The following TSPAN18 variants were observed in gnomAD, a reference collection of about 807,000 sequenced individuals.
The protein encoded by TSPAN18 is tetraspanin-18.
TSPAN18 carries 14 observed loss-of-function variants against 27.3 expected under a neutral mutation model. The observed-to-expected ratio is 0.51, with a 90% confidence interval of 0.34 to 0.80. TSPAN18 has a LOEUF of 0.80. Among genes scored for constraint, TSPAN18 ranks in the 30% least tolerant of loss-of-function variants. The pLI is 0.01. For missense variants in TSPAN18, 268 were observed against 323.9 expected, an observed-to-expected ratio of 0.83 and a Z score of 1.32; for synonymous variants, 143 against 136.5, an observed-to-expected ratio of 1.05 and a Z score of -0.33.
intron 3 of TSPAN18, among the ~76,000 whole-genome samples, chr11:44,862,754 A>G (rs1159659948): frequency 1.3e-5 from 2 of 152,198 alleles, no homozygotes; most frequent in Non-Finnish European, 2.9e-5. Context: ...CTGGCTTGGT[A>G]GATATGTCGG....
At chr11:44,904,863 T>A (rs1859398667) in intron 3 of TSPAN18, among the ~76,000 whole-genome samples, 1 of 152,164 alleles carries the variant, frequency 6.6e-6, no homozygotes, top group South Asian at 2.1e-4. Context: ...GCCATGGGCC[T>A]TGTCAGTGCT....
intron 2 of TSPAN18, among the ~76,000 whole-genome samples, chr11:44,842,359 T>A (rs1469652007): frequency 6.6e-6 from 1 of 152,222 alleles, no homozygotes; most frequent in Non-Finnish European, 1.5e-5. Flanking sequence ...TGCCTGAACG[T>A]GTTTGACCCC....
At chr11:44,812,115 C>G (rs1856730971) in intron 2 of TSPAN18, among the ~76,000 whole-genome samples, 1 of 152,216 alleles carries the variant, frequency 6.6e-6, no homozygotes, top group African/African-American at 2.4e-5. Context: ...GGCCTGCAAG[C>G]TGGGGGCATC....
At chr11:44,878,975 T>G (rs1858414900) in intron 3 of TSPAN18, among the ~76,000 whole-genome samples, 1 of 152,096 alleles carries the variant, frequency 6.6e-6, no homozygotes, top group African/African-American at 2.4e-5. Flanking sequence ...TAATAGCACC[T>G]CCCCAGGGCT....
intron 2 of TSPAN18, among the ~76,000 whole-genome samples, chr11:44,805,829 A>G (rs975956873): frequency 3.3e-5 from 5 of 151,930 alleles, no homozygotes; most frequent in African/African-American, 9.7e-5. Context: ...TTGTAGACGC[A>G]TCACTCTCAT....
intron 2 of TSPAN18, among the ~76,000 whole-genome samples, chr11:44,787,268 C>T (rs1329656264): frequency 6.6e-6 from 1 of 152,128 alleles, no homozygotes; most frequent in African/African-American, 2.4e-5. Flanking sequence ...TTTAGGATTC[C>T]CATTTTACAG....
At position 44,728,404 on chromosome 11, in the gene TSPAN18, T is replaced by C. The variant is rs943669113; in HGVS notation, c.-240+1117T>C. On this transcript the variant is annotated intron_variant, in intron 1 of 9. Transcript: ENST00000520358. ...GCAGAAACCCAAACCCCAAAATGCA[T>C]GCACCCTTTTTGTAAAAGTTGCACC... 2.6e-5 allele frequency among the ~76,000 whole-genome samples: 4 copies of C among 152,310 alleles called. 1 individual carries two copies. The Middle Eastern group carries it at 0.01, about 389-fold the overall frequency.
At chr11:44,749,711 A>G (rs533725448) in intron 1 of TSPAN18, among the ~76,000 whole-genome samples, 49 of 139,250 alleles carry the variant, frequency 3.5e-4, no homozygotes, top group Non-Finnish European at 5.8e-4. Flanking sequence ...ATCTCGGCTC[A>G]CTGCAAACTC....
intron 3 of TSPAN18, among the ~76,000 whole-genome samples, chr11:44,893,219 G>A (rs1204556624): frequency 6.6e-6 from 1 of 152,218 alleles, no homozygotes; most frequent in Non-Finnish European, 1.5e-5. Flanking sequence ...CTAGAGAGGG[G>A]TCCTTCCCAG....
intron 2 of TSPAN18, among the ~76,000 whole-genome samples, chr11:44,813,149 T>G (rs1301055119): frequency 6.6e-6 from 1 of 152,206 alleles, no homozygotes; most frequent in Non-Finnish European, 1.5e-5. Context: ...CTGGCGCTTC[T>G]GTCTCCTGCA....
At chr11:44,851,326 C>T (rs4755903) in intron 2 of TSPAN18, among the ~76,000 whole-genome samples, 42,600 of 152,108 alleles carry the variant, frequency 0.28, 6,204 homozygotes, top group African/African-American at 0.29. Flanking sequence ...GGGGCTAGCC[C>T]GGCATCCCCT....
chr11:44,860,705 G>A (rs1357579104), intron 3 of TSPAN18, among the ~76,000 whole-genome samples: 2 of 152,208 alleles, frequency 1.3e-5, no homozygotes, highest in African/African-American at 4.8e-5. Flanking sequence ...GATAACCCTC[G>A]GAGGGGCCAG....
At chr11:44,882,626 A>ACT (rs1226515633) in intron 3 of TSPAN18, among the ~76,000 whole-genome samples, 2 of 128,306 alleles carry the variant, frequency 1.6e-5, no homozygotes, top group Admixed American at 1.5e-4. Context: ...ACACACACAC[A>ACT]CAGAGAGAGA....
intron 2 of TSPAN18, among the ~76,000 whole-genome samples, chr11:44,806,120 C>T (rs1024610411): frequency 7.3e-5 from 11 of 151,420 alleles, no homozygotes; most frequent in Admixed American, 2.0e-4. Context: ...CTGCAACCTC[C>T]GCCTCCCGGG....
chr11:44,791,749 C>T (rs915636997), intron 2 of TSPAN18, among the ~76,000 whole-genome samples: 3 of 152,334 alleles, frequency 2.0e-5, no homozygotes, highest in African/African-American at 7.2e-5. Context: ...AGAGGGCTCA[C>T]GGAGGGCTCG....
chr11:44,881,314 G>A (rs1172165712), intron 3 of TSPAN18, among the ~76,000 whole-genome samples: 2 of 152,242 alleles, frequency 1.3e-5, no homozygotes, highest in East Asian at 3.9e-4. Flanking sequence ...ACAGCTGATG[G>A]AGGAGCTCCT....
intron 2 of TSPAN18, among the ~76,000 whole-genome samples, chr11:44,771,672 C>A (rs564681981): frequency 1.1e-4 from 16 of 152,128 alleles, no homozygotes; most frequent in Non-Finnish European, 1.9e-4. Flanking sequence ...AACTGTGAAC[C>A]AAAAATATTC....
chr11:44,740,277 C>T (rs79020646), intron 1 of TSPAN18, among the ~76,000 whole-genome samples: 2,370 of 152,202 alleles, frequency 0.016, 59 homozygotes, highest in African/African-American at 0.054. Context: ...CCGGGAGACC[C>T]GTGGGTCAGG....
At chr11:44,897,833 C>T in intron 3 of TSPAN18, 1 of 1,289,424 alleles carries the variant, frequency 7.8e-7, no homozygotes, top group Non-Finnish European at 1.0e-6. Context: ...GCCCAGGTGA[C>T]ACATTGGCAA....
Sources: gnomAD v4.1 joint callset for allele counts (sites outside exome capture counted in the v4.1 genomes callset) on GRCh38, gnomAD v4.1.1 for gene constraint, MANE v1.5 for transcripts, NCBI Gene and HGNC (gene_info 2026-07-23, HGNC 2026-07-21) for gene names.